MICU1: variants seen among roughly 807,000 people sequenced by gnomAD.
The protein encoded by MICU1 is mitochondrial calcium uptake 1, also known as calcium uptake protein 1, mitochondrial.
MICU1 carries 45 observed loss-of-function variants against 56.8 expected under a neutral mutation model. The ratio of observed to expected loss-of-function variants is 0.79; its 90% CI spans 0.62 to 1.02. The LOEUF is 1.02. Among genes scored for constraint, MICU1 ranks in the 50% least tolerant of loss-of-function variants. The pLI, the probability that MICU1 is intolerant of heterozygous loss-of-function variation, is 0.00. For synonymous variants in MICU1, 186 were observed against 195.1 expected, an observed-to-expected ratio of 0.95 and a Z score of 0.39; for missense variants, 504 against 587.1, an observed-to-expected ratio of 0.86 and a Z score of 1.46.
chr10:72,516,378 G>C (rs970171735), intron 5 of MICU1, among the ~76,000 whole-genome samples: 2 of 152,072 alleles, frequency 1.3e-5, no homozygotes, highest in Non-Finnish European at 2.9e-5. Context: ...CTTCCATTCT[G>C]TAGGTTTCCT....
At chr10:72,472,177 T>A (rs1329993297) in intron 8 of MICU1, among the ~76,000 whole-genome samples, 1 of 152,230 alleles carries the variant, frequency 6.6e-6, no homozygotes, top group Non-Finnish European at 1.5e-5. Context: ...TACAGTTTAC[T>A]GTGGCAAGGT....
chr10:72,444,559 C>A (rs913013316), intron 8 of MICU1, among the ~76,000 whole-genome samples: 2 of 150,138 alleles, frequency 1.3e-5, no homozygotes, highest in East Asian at 2.0e-4. Flanking sequence ...AAGAGATTCT[C>A]CTGTCTCAGC....
chr10:72,527,575 G>A (rs1188875044), intron 5 of MICU1, among the ~76,000 whole-genome samples: 1 of 151,900 alleles, frequency 6.6e-6, no homozygotes, highest in African/African-American at 2.4e-5. Context: ...GTTGCCCAGG[G>A]TGGTCTGGAA....
intron 1 of MICU1, among the ~76,000 whole-genome samples, chr10:72,623,843 C>G (rs1842168459): frequency 6.6e-6 from 1 of 151,954 alleles, no homozygotes; most frequent in African/African-American, 2.4e-5. Context: ...CGTCCCCACC[C>G]CTCAACAAAA....
rs1240401933 is a variant in MICU1, at chr10:72,367,406, G to A, written c.*789C>T. On this transcript the variant is annotated 3_prime_UTR_variant, in exon 12 of 12. Coordinates refer to ENST00000361114, the MANE Select transcript of MICU1 (RefSeq NM_001195518.2). ...ATATTTACAATTGTTTAAGACAGAG[G>A]GCAAACAGGCTCTGAGCCAGGCCTC... The A allele has an allele frequency of 2.6e-5, 4 of 152,258 alleles. No individual in the cohort carries two copies. The highest frequency in any genetic ancestry group is 4.8e-5 in the African/African-American group (2 of 41,420). 9.4% of individuals were successfully genotyped at this position (152,258 alleles called of 1,614,324 possible). A position where few individuals can be genotyped will look rare whatever the true frequency, so the allele number is the denominator to read the frequency against.
chr10:72,399,701 G>A (rs191176658), intron 10 of MICU1, among the ~76,000 whole-genome samples: 2 of 152,172 alleles, frequency 1.3e-5, no homozygotes, highest in Admixed American at 6.5e-5. Flanking sequence ...AGTGGCTCAC[G>A]CCTGTAATCC....
At chr10:72,613,537 A>G (rs1394559297) in intron 1 of MICU1, among the ~76,000 whole-genome samples, 1 of 151,806 alleles carries the variant, frequency 6.6e-6, no homozygotes, top group Non-Finnish European at 1.5e-5. Flanking sequence ...TCAGCTTCCT[A>G]AAGCTCTGGG....
intron 6 of MICU1, among the ~76,000 whole-genome samples, chr10:72,494,776 T>C (rs771633506): frequency 1.3e-5 from 2 of 152,178 alleles, no homozygotes; most frequent in Middle Eastern, 3.4e-3. Context: ...CAGGCATTTA[T>C]TCCTTCTAAC....
chr10:72,524,474 A>G (rs1326503568), intron 5 of MICU1, among the ~76,000 whole-genome samples: 1 of 152,180 alleles, frequency 6.6e-6, no homozygotes, highest in Non-Finnish European at 1.5e-5. Flanking sequence ...ATTACAACAA[A>G]ATTTCTTAAC....
rs200838355 is a variant in MICU1, at chr10:72,473,956, G to C, written c.933+1144C>G. ...TCCAAATAATATTAAGGTAGGGCGTGTGTTAAAAGAAAAAGAGAGGCCGGG... is the reference window on the plus strand; with the variant it reads ...TCCAAATAATATTAAGGTAGGGCGTCTGTTAAAAGAAAAAGAGAGGCCGGG... On this transcript the variant is annotated intron_variant, in intron 8 of 11. Transcript: ENST00000361114. Among the ~76,000 whole-genome samples the C allele has an allele frequency of 2.7e-4, 41 of 151,944 alleles. No homozygotes were observed. In the East Asian group the frequency reaches 7.3e-3, roughly 27 times the overall value.
intron 2 of MICU1, among the ~76,000 whole-genome samples, chr10:72,565,007 A>C (rs1482320442): frequency 6.6e-6 from 1 of 151,870 alleles, no homozygotes; most frequent in African/African-American, 2.4e-5. Context: ...GAGGCTGGGC[A>C]TGGTGGCTCA....
intron 5 of MICU1, among the ~76,000 whole-genome samples, chr10:72,526,202 G>C (rs1233206399): frequency 6.6e-6 from 1 of 152,050 alleles, no homozygotes; most frequent in African/African-American, 2.4e-5. Context: ...GAAGGAAGAT[G>C]GCAAAATCTG....
At chr10:72,562,860 T>C (rs749505125) in intron 3 of MICU1, 35 bp downstream of exon 3, 11 of 1,493,142 alleles carry the variant, frequency 7.4e-6, no homozygotes, top group East Asian at 2.4e-5. Flanking sequence ...CTTTAAGATA[T>C]ACTTCTGATC....
chr10:72,415,426 C>T (rs747531652), intron 9 of MICU1, among the ~76,000 whole-genome samples: 3 of 152,106 alleles, frequency 2.0e-5, no homozygotes, highest in African/African-American at 7.2e-5. Context: ...TTCTTGGGTA[C>T]CTTTCAGAGG....
intron 2 of MICU1, among the ~76,000 whole-genome samples, chr10:72,565,038 T>C (rs1278975685): frequency 6.6e-6 from 1 of 150,826 alleles, no homozygotes; most frequent in Non-Finnish European, 1.5e-5. Flanking sequence ...CCCAACACTT[T>C]AGGAGGCTGA....
chr10:72,436,781 G>C (rs1334654641), intron 8 of MICU1, among the ~76,000 whole-genome samples: 1 of 152,172 alleles, frequency 6.6e-6, no homozygotes, highest in Non-Finnish European at 1.5e-5. Context: ...AGCTTCAGCA[G>C]CCGATTCGAT....
intron 1 of MICU1, among the ~76,000 whole-genome samples, chr10:72,612,305 G>A (rs1841873029): frequency 6.6e-6 from 1 of 151,412 alleles, no homozygotes; most frequent in African/African-American, 2.4e-5. Flanking sequence ...ATGACACTTC[G>A]TGAATCTTAA....
chr10:72,458,705 T>C (rs1865549671), intron 8 of MICU1, among the ~76,000 whole-genome samples: 1 of 17,092 alleles, frequency 5.9e-5, no homozygotes, highest in South Asian at 9.1e-4. Context: ...GCGGTTCCTG[T>C]TTTTTTTTTT....
intron 6 of MICU1, among the ~76,000 whole-genome samples, chr10:72,491,028 T>C (rs936244050): frequency 1.3e-5 from 2 of 152,146 alleles, no homozygotes; most frequent in Non-Finnish European, 2.9e-5. Context: ...AACAGAATTA[T>C]GAACCGGGAC....
Sources: gnomAD v4.1 joint callset for allele counts (sites outside exome capture counted in the v4.1 genomes callset) on GRCh38, gnomAD v4.1.1 for gene constraint, MANE v1.5 for transcripts, NCBI Gene and HGNC (gene_info 2026-07-23, HGNC 2026-07-21) for gene names.